Variants in PDE11A observed in about 807,000 individuals in gnomAD.
PDE11A encodes the protein dual 3',5'-cyclic-AMP and -GMP phosphodiesterase 11A.
PDE11A carries 100 observed loss-of-function variants against 100.5 expected under a neutral mutation model. That is an observed-to-expected ratio of 1.00 (90% CI 0.85 to 1.18). The LOEUF (loss-of-function observed/expected upper bound fraction) is 1.18, where lower values mean the gene tolerates loss of function less well. PDE11A is among the 50% of genes most tolerant of loss of function. PDE11A has a pLI of 0.00. For missense variants in PDE11A, 1,141 were observed against 1,152.6 expected, an observed-to-expected ratio of 0.99 and a Z score of 0.15; for synonymous variants, 381 against 420.8, an observed-to-expected ratio of 0.91 and a Z score of 1.16.
At chr2:177,631,132 CT>C in intron 19 of PDE11A, among the ~76,000 whole-genome samples, 1 of 20,086 alleles carries the variant, frequency 5.0e-5, no homozygotes, top group Admixed American at 1.3e-3. Flanking sequence ...TGGAATCTTT[CT>C]ATTATGTTTC....
chr2:177,822,482 T>G (rs1052925742), intron 6 of PDE11A, among the ~76,000 whole-genome samples: 9 of 152,182 alleles, frequency 5.9e-5, no homozygotes, highest in South Asian at 2.1e-4. Context: ...CCACACTGTC[T>G]TAAATAATAC....
chr2:177,986,097 T>G (rs1439500999), intron 2 of PDE11A, among the ~76,000 whole-genome samples: 2 of 152,180 alleles, frequency 1.3e-5, no homozygotes, highest in Non-Finnish European at 2.9e-5. Context: ...CTACAAACAC[T>G]GCAAAGAATA....
chr2:177,695,226 A>G (rs558092142), intron 15 of PDE11A, among the ~76,000 whole-genome samples: 1 of 152,266 alleles, frequency 6.6e-6, no homozygotes, highest in African/African-American at 2.4e-5. Context: ...TTTATTGGGT[A>G]CATATGACAT....
chr2:177,819,411 C>T (rs957693597), intron 7 of PDE11A, among the ~76,000 whole-genome samples: 7 of 152,106 alleles, frequency 4.6e-5, no homozygotes, highest in East Asian at 1.9e-4. Context: ...AGTGTTCTTA[C>T]GTCTCTTAGG....
chr2:177,833,638 A>G (rs2083345045), intron 6 of PDE11A, among the ~76,000 whole-genome samples: 1 of 152,206 alleles, frequency 6.6e-6, no homozygotes. Flanking sequence ...CTATTTACTG[A>G]AAGTTGATGT....
intron 2 of PDE11A, among the ~76,000 whole-genome samples, chr2:178,080,551 T>C (rs551869361): frequency 3.9e-5 from 6 of 152,318 alleles, no homozygotes; most frequent in Admixed American, 1.3e-4. Flanking sequence ...AGGGAAGTTA[T>C]ATAGAAGAAG....
intron 2 of PDE11A, among the ~76,000 whole-genome samples, chr2:177,944,604 G>T (rs972403125): frequency 6.6e-6 from 1 of 152,162 alleles, no homozygotes; most frequent in Non-Finnish European, 1.5e-5. Flanking sequence ...TGCATTGCTT[G>T]ATCTGTTACA....
chr2:177,842,235 T>C (rs141575800), intron 5 of PDE11A, among the ~76,000 whole-genome samples: 1 of 152,214 alleles, frequency 6.6e-6, no homozygotes, highest in African/African-American at 2.4e-5. Context: ...CAGCAGGAGC[T>C]GGGGAGAGGT....
intron 2 of PDE11A, among the ~76,000 whole-genome samples, chr2:177,950,607 C>T (rs1348379077): frequency 6.6e-6 from 1 of 152,190 alleles, no homozygotes; most frequent in Non-Finnish European, 1.5e-5. Context: ...GGAGTTGTGA[C>T]ATCCATGTCA....
intron 10 of PDE11A, among the ~76,000 whole-genome samples, chr2:177,736,169 G>C (rs2081777738): frequency 6.6e-6 from 1 of 152,074 alleles, no homozygotes; most frequent in Non-Finnish European, 1.5e-5. Flanking sequence ...AAAAGAGAGA[G>C]TACTCTAGAA....
chr2:177,864,735 T>C (rs2105676173), intron 5 of PDE11A, among the ~76,000 whole-genome samples: 1 of 152,306 alleles, frequency 6.6e-6, no homozygotes, highest in African/African-American at 2.4e-5. Context: ...TCCAAAATGA[T>C]CTTAAGTAAC....
intron 1 of PDE11A, among the ~76,000 whole-genome samples, chr2:178,057,981 C>T (rs145544736): frequency 1.3e-5 from 2 of 152,122 alleles, no homozygotes; most frequent in East Asian, 1.9e-4. Context: ...CCTCAGCCCC[C>T]CTAGTAGCTG....
chr2:177,855,340 C>T (rs1259929639), intron 5 of PDE11A, among the ~76,000 whole-genome samples: 1 of 151,948 alleles, frequency 6.6e-6, no homozygotes, highest in Non-Finnish European at 1.5e-5. Context: ...AAATTTGCGC[C>T]TCCATAAAAG....
At chr2:178,042,042 C>T (rs2086688986) in intron 1 of PDE11A, among the ~76,000 whole-genome samples, 1 of 152,144 alleles carries the variant, frequency 6.6e-6, no homozygotes, top group African/African-American at 2.4e-5. Flanking sequence ...TATTCCTTTT[C>T]TCTGTTTCTA....
intron 19 of PDE11A, among the ~76,000 whole-genome samples, chr2:177,656,839 G>T (rs1235936373): frequency 6.6e-6 from 1 of 152,230 alleles, no homozygotes; most frequent in East Asian, 1.9e-4. Context: ...ATAGGCAGAG[G>T]CCAGGGAAGA....
chr2:177,855,903 AACACACACACACACACACACACACACAC>A (rs57202805), intron 5 of PDE11A, among the ~76,000 whole-genome samples: 5 of 139,666 alleles, frequency 3.6e-5, no homozygotes, highest in East Asian at 2.1e-4. Flanking sequence ...GAACGTATGC[AACACACACACACACACACACACACACAC>A]ACACACACAC....
At chr2:177,841,959 AT>A (rs2083498184) in intron 5 of PDE11A, among the ~76,000 whole-genome samples, 1 of 152,212 alleles carries the variant, frequency 6.6e-6, no homozygotes, top group Admixed American at 6.5e-5. Context: ...ATGAGATGAA[AT>A]TTTATGTTGT....
intron 13 of PDE11A, among the ~76,000 whole-genome samples, chr2:177,703,859 G>A (rs1024859568): frequency 5.9e-5 from 9 of 152,178 alleles, no homozygotes; most frequent in Non-Finnish European, 1.0e-4. Flanking sequence ...GCGTAGGATG[G>A]AGGCCTCTCT....
chr2:178,019,046 A>G (rs1004977199), intron 1 of PDE11A, among the ~76,000 whole-genome samples: 9 of 152,374 alleles, frequency 5.9e-5, no homozygotes, highest in South Asian at 4.1e-4. Context: ...GTGATCAAAC[A>G]TCTCCTGTAT....
Sources: gnomAD v4.1 joint callset for allele counts (sites outside exome capture counted in the v4.1 genomes callset) on GRCh38, gnomAD v4.1.1 for gene constraint, MANE v1.5 for transcripts, NCBI Gene and HGNC (gene_info 2026-07-23, HGNC 2026-07-21) for gene names.